SOX5: variants seen among roughly 807,000 people sequenced by gnomAD.
SOX5 encodes transcription factor SOX-5.
SOX5 carries 9 observed loss-of-function variants against 92.0 expected under a neutral mutation model. The observed-to-expected ratio is 0.10, with a 90% confidence interval of 0.06 to 0.17. SOX5 has a LOEUF of 0.17. Ranked by LOEUF, SOX5 falls within the 10% of genes least tolerant of loss-of-function variation. SOX5 has a pLI of 1.00. For missense variants in SOX5, 642 were observed against 944.5 expected (o/e 0.68, Z 4.20); for synonymous variants, 344 against 336.3 (o/e 1.02, Z -0.25).
intron 2 of SOX5, among the ~76,000 whole-genome samples, chr12:23,886,714 T>C (rs1430900294): frequency 6.6e-6 from 1 of 152,130 alleles, no homozygotes; most frequent in African/African-American, 2.4e-5. Flanking sequence ...TACCAATCTC[T>C]ATAAAATCTC....
At chr12:24,533,793 A>G (rs2138687339) in intron 1 of SOX5, among the ~76,000 whole-genome samples, 1 of 152,334 alleles carries the variant, frequency 6.6e-6, no homozygotes, top group Admixed American at 6.5e-5. Context: ...GACAATATGT[A>G]TTAAGGATAA....
intron 4 of SOX5, among the ~76,000 whole-genome samples, chr12:24,163,457 T>G (rs1953005141): frequency 6.6e-6 from 1 of 152,028 alleles, no homozygotes; most frequent in African/African-American, 2.4e-5. Context: ...AAGTTCTTTT[T>G]GTCTACTCAT....
chr12:23,549,901 T>C (rs988718426), intron 11 of SOX5, among the ~76,000 whole-genome samples: 1 of 152,020 alleles, frequency 6.6e-6, no homozygotes, highest in Non-Finnish European at 1.5e-5. Context: ...AAGTGAATTG[T>C]ATCTCATCGA....
rs996716612 is a variant in SOX5, at chr12:24,393,840, T to C, written c.-250-25201A>G. ...TGCAATACAACACATACCTCTTTCT[T>C]CAAAAGTTTAAAAGAGAATAGCAAA... On this transcript the variant is annotated intron_variant, in intron 1 of 4. Transcript: ENST00000446891. This position sits in a 1 kb window ranked among gnomAD's most constrained non-coding sequence, Gnocchi z 5.0. Among the ~76,000 whole-genome samples the C allele has an allele frequency of 6.6e-6, 1 of 152,312 alleles. No homozygotes were observed. The highest frequency in any genetic ancestry group is 2.4e-5 in the African/African-American group (1 of 41,564).
chr12:23,768,945 G>A (rs560540753), intron 3 of SOX5, among the ~76,000 whole-genome samples: 52 of 152,122 alleles, frequency 3.4e-4, no homozygotes, highest in African/African-American at 1.2e-3. Flanking sequence ...AAATTACTTC[G>A]TATAATGAGG....
intron 3 of SOX5, among the ~76,000 whole-genome samples, chr12:24,234,529 C>A (rs1964059594): frequency 6.6e-6 from 1 of 152,046 alleles, no homozygotes; most frequent in South Asian, 2.1e-4. Context: ...AGGTGTGCAC[C>A]ACCACGCCTG....
intron 3 of SOX5, among the ~76,000 whole-genome samples, chr12:23,813,681 G>A (rs11047111): frequency 0.1 from 15,266 of 152,082 alleles, 878 homozygotes; most frequent in East Asian, 0.2. Flanking sequence ...CCTCATCCGT[G>A]TACCATTTTG....
chr12:23,700,280 C>T (rs891051948), intron 6 of SOX5, among the ~76,000 whole-genome samples: 1 of 151,946 alleles, frequency 6.6e-6, no homozygotes, highest in Non-Finnish European at 1.5e-5. Context: ...TTGGATTATC[C>T]AAAGCTTATT....
chr12:23,966,362 T>C (rs1192129541), intron 4 of SOX5, among the ~76,000 whole-genome samples: 1 of 151,940 alleles, frequency 6.6e-6, no homozygotes, highest in Non-Finnish European at 1.5e-5. Flanking sequence ...ACTGTCATCA[T>C]AAACATCTAA....
At chr12:24,436,749 C>G (rs1939506284) in intron 1 of SOX5, among the ~76,000 whole-genome samples, 1 of 152,326 alleles carries the variant, frequency 6.6e-6, no homozygotes, top group Non-Finnish European at 1.5e-5. Context: ...CTAGGACTTT[C>G]ACAGCTAGAG....
intron 7 of SOX5, among the ~76,000 whole-genome samples, chr12:23,651,431 G>A (rs2081548289): frequency 1.3e-5 from 2 of 152,100 alleles, no homozygotes; most frequent in African/African-American, 2.4e-5. Context: ...TTATGCAAAT[G>A]TATACTTCAA....
chr12:23,598,108 T>C (rs1296277218), intron 9 of SOX5, among the ~76,000 whole-genome samples: 1 of 152,182 alleles, frequency 6.6e-6, no homozygotes, highest in East Asian at 1.9e-4. Flanking sequence ...GTTTTAGCCC[T>C]GTGTAGTAAG....
chr12:24,479,457 C>T (rs1275735121), intron 1 of SOX5, among the ~76,000 whole-genome samples: 1 of 152,130 alleles, frequency 6.6e-6, no homozygotes, highest in African/African-American at 2.4e-5. Context: ...TTGCAACAAC[C>T]GTTTTGCAAT....
chr12:24,005,812 A>G (rs1165816447), intron 4 of SOX5, among the ~76,000 whole-genome samples: 1 of 152,214 alleles, frequency 6.6e-6, no homozygotes, highest in African/African-American at 2.4e-5. Context: ...AAACCTTTTT[A>G]TTAAAATACA....
chr12:24,402,974 C>T (rs553063338), intron 1 of SOX5, among the ~76,000 whole-genome samples: 1 of 152,300 alleles, frequency 6.6e-6, no homozygotes, highest in East Asian at 1.9e-4. Flanking sequence ...TCTAAACATA[C>T]TCTTCCCCTA....
intron 3 of SOX5, among the ~76,000 whole-genome samples, chr12:23,787,360 A>G (rs1235443122): frequency 6.6e-6 from 1 of 151,992 alleles, no homozygotes; most frequent in Non-Finnish European, 1.5e-5. Flanking sequence ...AAACAGTATG[A>G]AAGAATTTTG....
Position 24,095,124 on chromosome 12 carries a change from C to CAGAGAGAGAGAGAGAG in SOX5, c.-2+118218_-2+118219insCTCTCTCTCTCTCTCT, listed in dbSNP as rs1295495095. Among the ~76,000 whole-genome samples, 147 of 105,064 alleles carry CAGAGAGAGAGAGAGAG rather than the reference C, an allele frequency of 1.4e-3. 2 individuals are homozygous for CAGAGAGAGAGAGAGAG. The highest frequency in any genetic ancestry group is 2.0e-3 in the South Asian group (5 of 2,552). The allele number at this position is 105,064 out of a possible 152,430, so 68.9% of individuals were successfully genotyped here. On this transcript the variant is annotated intron_variant, in intron 4 of 4. Transcript: ENST00000446891. ...ACACACACACACACACACACACACA[C>CAGAGAGAGAGAGAGAG]ACACAGAGAGAGAGAGAGAGAGAGA... is the stretch of plus-strand genomic sequence containing the variant.
At chr12:24,474,776 T>C (rs1397722608) in intron 1 of SOX5, among the ~76,000 whole-genome samples, 2 of 152,084 alleles carry the variant, frequency 1.3e-5, no homozygotes, top group African/African-American at 2.4e-5. Context: ...CCTCAAGTGA[T>C]CCACCCGCCT....
rs181669326 is a variant in SOX5 at position 24,197,659 on chromosome 12, C to T, written c.-2+15684G>A. Among the ~76,000 whole-genome samples, 220 of 152,248 alleles carry T rather than the reference C, an allele frequency of 1.4e-3. 1 individual carries two copies. Among genetic ancestry groups the T allele is most frequent in the African/African-American group, 5.1e-3 (210 of 41,544 alleles). ...CTGTGCTTTGTGCTTCTCCCACTTC[C>T]TTCCTAGACACGAGCTAACACTGGT... On this transcript the variant is annotated intron_variant, in intron 4 of 4. Transcript: ENST00000446891.
Sources: allele counts gnomAD v4.1 joint callset (sites outside exome capture counted in the v4.1 genomes callset), GRCh38; gene constraint gnomAD v4.1.1; non-coding constraint Gnocchi (gnomAD v3.1); transcripts MANE v1.5; gene names NCBI Gene and HGNC (gene_info 2026-07-23, HGNC 2026-07-21).